Variants in SETD5 observed in about 807,000 individuals in gnomAD.
SETD5 encodes histone-lysine N-methyltransferase SETD5.
In SETD5, 44 loss-of-function variants were observed where a neutral mutation model predicts 153.3. That is an observed-to-expected ratio of 0.29 (90% confidence interval 0.23 to 0.37). The LOEUF (loss-of-function observed/expected upper bound fraction) is 0.37, where lower values mean the gene tolerates loss of function less well. Among genes scored for constraint, SETD5 ranks in the 10% least tolerant of loss-of-function variants. The probability of loss-of-function intolerance (pLI) is 1.00; values close to 1 mark genes in which losing one functional copy is unlikely to be tolerated. For synonymous variants in SETD5, 716 were observed against 645.2 expected (o/e 1.11, Z -1.66); for missense variants, 1,544 against 1,768.0 (o/e 0.87, Z 2.27).
intron 1 of SETD5, among the ~76,000 whole-genome samples, chr3:9,409,693 T>G (rs11915826): frequency 3.9e-5 from 6 of 152,184 alleles, no homozygotes; most frequent in Admixed American, 2.0e-4. Context: ...GGAGTGTTCA[T>G]TGCTCTTGGT....
intron 3 of SETD5, chr3:9,430,964 G>A (rs2039891702): frequency 1.0e-6 from 1 of 985,204 alleles, no homozygotes; most frequent in Non-Finnish European, 1.2e-6. Context: ...TTCTGCAAAG[G>A]GAAAGAATGT....
At chr3:9,468,592 C>A in intron 18 of SETD5, 1 of 1,304,078 alleles carries the variant, frequency 7.7e-7, no homozygotes, top group Non-Finnish European at 1.0e-6. Context: ...ATCACACCAT[C>A]TCAATCACAC....
intron 1 of SETD5, among the ~76,000 whole-genome samples, chr3:9,410,238 A>C (rs1018913541): frequency 3.9e-5 from 6 of 152,222 alleles, no homozygotes; most frequent in African/African-American, 1.4e-4. Context: ...TGTGTATCTG[A>C]AAATGGAAAA....
rs797012767 is a variant in SETD5 at position 9,467,216 on chromosome 3, AAAAAAAAAC to A, written c.2724+2547_2724+2555del. On this transcript the variant is annotated intron_variant, in intron 18 of 22. Transcript: ENST00000402198. ...CTCTCTCTCAAAAAAAAAAAAAAAA[AAAAAAAAAC>A]AACCTTACTAGATTAGTTTGGGGAA... Among the ~76,000 whole-genome samples, 291 of 143,028 alleles carry A rather than the reference AAAAAAAAAC, an allele frequency of 2.0e-3. 3 individuals carry two copies. In the East Asian group the frequency reaches 0.021, roughly 10 times the overall value. The allele number at this position is 143,028 out of a possible 152,430, so 93.8% of individuals were successfully genotyped here. A position where few individuals can be genotyped will look rare whatever the true frequency, so the allele number is the denominator to read the frequency against.
rs1263930083 is a variant in SETD5 at position 9,448,447 on chromosome 3, C to T, written c.2163C>T (p.Cys721=). The T allele has an allele frequency of 3.7e-6, 6 of 1,613,936 alleles. No individual in the cohort carries two copies. Among genetic ancestry groups the T allele is most frequent in the Non-Finnish European group, 5.1e-6 (6 of 1,179,888 alleles). ...AGAAGCAAGAGTGCCCTGTTGAGTG[C>T]CCTTTACGTATCACAACGGATCCAA... ...KAEKQECPVE[C]PLRITTDPTV... The change falls in exon 16 of 23, where the codon TGC becomes TGT. Residue 721 remains cysteine, a synonymous_variant. Transcript: ENST00000402198.
chr3:9,408,369 A>G (rs1433754416), intron 1 of SETD5, among the ~76,000 whole-genome samples: 2 of 152,078 alleles, frequency 1.3e-5, no homozygotes, highest in South Asian at 2.1e-4. Context: ...TAATTTTTTA[A>G]TTTTTTATTA....
intron 3 of SETD5, chr3:9,431,320 A>G (rs1054646108): frequency 4.1e-6 from 4 of 985,300 alleles, no homozygotes; most frequent in Admixed American, 6.1e-5. Flanking sequence ...TTGATGGAGT[A>G]TATCTGTTGT....
intron 1 of SETD5, among the ~76,000 whole-genome samples, chr3:9,408,679 G>C (rs1257628442): frequency 6.6e-6 from 1 of 152,074 alleles, no homozygotes; most frequent in African/African-American, 2.4e-5. Context: ...TTTTATAATA[G>C]TACTGTGTAT....
At chr3:9,432,412 C>G in intron 3 of SETD5, 1 of 364,500 alleles carries the variant, frequency 2.7e-6, no homozygotes, top group Non-Finnish European at 3.8e-6. Flanking sequence ...CTTATTCCTG[C>G]TGTACTATAT....
intron 16 of SETD5, chr3:9,449,702 G>A (rs1299775881): frequency 6.6e-6 from 1 of 152,188 alleles, no homozygotes; most frequent in Non-Finnish European, 1.5e-5. Context: ...AGTGGTGTGG[G>A]ATATGGAGGG....
intron 1 of SETD5, among the ~76,000 whole-genome samples, chr3:9,406,955 G>A (rs866225029): frequency 6.6e-6 from 1 of 152,220 alleles, no homozygotes; most frequent in African/African-American, 2.4e-5. Flanking sequence ...GGCATATTAT[G>A]TAAGTGTACT....
intron 18 of SETD5, among the ~76,000 whole-genome samples, chr3:9,468,040 C>G (rs549908657): frequency 8.6e-5 from 13 of 150,986 alleles, no homozygotes; most frequent in Non-Finnish European, 1.6e-4. Context: ...TAATGTCTCC[C>G]CCTGGATAGC....
At chr3:9,420,402 T>A (rs185874175) in intron 1 of SETD5, among the ~76,000 whole-genome samples, 1 of 152,282 alleles carries the variant, frequency 6.6e-6, no homozygotes, top group East Asian at 1.9e-4. Context: ...CTAGGATTTT[T>A]TTTCAGTTGT....
At chr3:9,422,455 A>G (rs2038552321) in intron 1 of SETD5, among the ~76,000 whole-genome samples, 1 of 152,222 alleles carries the variant, frequency 6.6e-6, no homozygotes, top group Admixed American at 6.5e-5. Context: ...ATTTCAGAGC[A>G]GTTTTTATGC....
intron 1 of SETD5, among the ~76,000 whole-genome samples, chr3:9,408,920 A>G (rs2036137323): frequency 6.6e-6 from 1 of 152,136 alleles, no homozygotes; most frequent in African/African-American, 2.4e-5. Context: ...AAGTAATGTG[A>G]TTTTTTAATA....
chr3:9,443,458 C>A, intron 11 of SETD5, 41 bp downstream of exon 11: 1 of 1,110,938 alleles, frequency 9.0e-7, no homozygotes, highest in South Asian at 2.4e-5. Context: ...ATATCCATGT[C>A]TTACATATTA....
chr3:9,405,232 ATTACCAC>A (rs2035468786), intron 1 of SETD5, among the ~76,000 whole-genome samples: 2 of 152,228 alleles, frequency 1.3e-5, no homozygotes, highest in African/African-American at 4.8e-5. Flanking sequence ...CACAGTCATT[ATTACCAC>A]CAGATGCCAC....
rs974172495 is a variant in SETD5, at chr3:9,434,815, C to T, written c.330-9C>T. The T allele has an allele frequency of 1.9e-6, 3 of 1,610,962 alleles. No homozygotes were observed. Among genetic ancestry groups the T allele is most frequent in the African/African-American group, 2.7e-5 (2 of 74,806 alleles). ...GAAGGACTACTTTAAGTTTATTTTC[C>T]CTCTTTAGGGGAATGAGCAGGGGGA... is the stretch of plus-strand genomic sequence containing the variant. On this transcript the variant is annotated splice_polypyrimidine_tract_variant and intron_variant, in intron 5 of 22. Transcript: ENST00000402198. This position sits in a 1 kb window ranked among gnomAD's most constrained non-coding sequence, Gnocchi z 5.6.
chr3:9,421,015 A>G (rs2038309078), intron 1 of SETD5, among the ~76,000 whole-genome samples: 1 of 152,156 alleles, frequency 6.6e-6, no homozygotes. Flanking sequence ...CTTACTTGCT[A>G]CAAATGCTGT....
Sources: gnomAD v4.1 joint callset for allele counts (sites outside exome capture counted in the v4.1 genomes callset) on GRCh38, gnomAD v4.1.1 for gene constraint, Gnocchi (gnomAD v3.1) non-coding constraint, MANE v1.5 for transcripts, NCBI Gene and HGNC (gene_info 2026-07-23, HGNC 2026-07-21) for gene names.